Variants in SLC20A2 observed in about 807,000 individuals in gnomAD.
SLC20A2 encodes sodium-dependent phosphate transporter 2.
Under a neutral mutation model 61.0 loss-of-function variants are expected in SLC20A2, and 30 were observed. The ratio of observed to expected loss-of-function variants is 0.49; its 90% CI spans 0.37 to 0.67. The LOEUF is 0.67. SLC20A2 is among the 30% of genes least tolerant of loss of function. The pLI is 0.00. For missense variants in SLC20A2, 626 were observed against 866.4 expected, an observed-to-expected ratio of 0.72 and a Z score of 3.48; for synonymous variants, 351 against 353.3, an observed-to-expected ratio of 0.99 and a Z score of 0.07.
At chr8:42,455,241 A>AAAATATATATATAT (rs1416804518) in intron 5 of SLC20A2, among the ~76,000 whole-genome samples, 1 of 102,606 alleles carries the variant, frequency 9.7e-6, no homozygotes, top group African/African-American at 5.0e-5. Flanking sequence ...AAAAAAAAAA[A>AAAATATATATATAT]ATATATATAT....
intron 9 of SLC20A2, 142 bp downstream of exon 9, chr8:42,429,922 C>T (rs1465034871): frequency 1.6e-6 from 1 of 615,672 alleles, no homozygotes. Context: ...CTAGGTGGGG[C>T]CATTCTTGCC....
chr8:42,540,643 G>A (rs1813046277), intron 1 of SLC20A2, among the ~76,000 whole-genome samples: 2 of 152,202 alleles, frequency 1.3e-5, no homozygotes, highest in Non-Finnish European at 2.9e-5. Flanking sequence ...AACTTGTTAA[G>A]AAGTGTTCAA....
intron 6 of SLC20A2, among the ~76,000 whole-genome samples, chr8:42,440,561 A>G (rs2131028289): frequency 6.6e-6 from 1 of 152,332 alleles, no homozygotes; most frequent in East Asian, 1.9e-4. Flanking sequence ...GAGATTGCAT[A>G]TAAAGGTGCT....
At chr8:42,423,195 A>C (rs929083336) in intron 10 of SLC20A2, among the ~76,000 whole-genome samples, 3 of 152,084 alleles carry the variant, frequency 2.0e-5, no homozygotes, top group African/African-American at 7.2e-5. Flanking sequence ...TATTTTTCTA[A>C]ACTCCTTAAT....
intron 5 of SLC20A2, among the ~76,000 whole-genome samples, chr8:42,449,962 T>A (rs1276188775): frequency 1.3e-5 from 2 of 152,214 alleles, no homozygotes; most frequent in African/African-American, 4.8e-5. Flanking sequence ...ATAGTAAACA[T>A]TCACACTTAT....
intron 1 of SLC20A2, among the ~76,000 whole-genome samples, chr8:42,493,837 G>T (rs1809702844): frequency 6.6e-6 from 1 of 152,124 alleles, no homozygotes; most frequent in South Asian, 2.1e-4. Context: ...AAATGAATCA[G>T]ATTTTTCCAG....
At chr8:42,513,834 C>T (rs1369778701) in intron 1 of SLC20A2, among the ~76,000 whole-genome samples, 1 of 151,916 alleles carries the variant, frequency 6.6e-6, no homozygotes, top group African/African-American at 2.4e-5. Context: ...GGAGATTTTG[C>T]GATGGAAATA....
intron 6 of SLC20A2, among the ~76,000 whole-genome samples, chr8:42,441,518 G>C (rs372473501): frequency 1.3e-5 from 2 of 151,182 alleles, no homozygotes; most frequent in South Asian, 4.2e-4. Context: ...TACCAGACTG[G>C]AGTGCTGTGG....
chr8:42,463,572 A>C (rs1346646444), intron 3 of SLC20A2, among the ~76,000 whole-genome samples: 4 of 152,302 alleles, frequency 2.6e-5, no homozygotes, highest in Non-Finnish European at 5.9e-5. Context: ...CTAGCCAAGT[A>C]GTTCCCGCCT....
Position 42,499,378 on chromosome 8 carries a change from T to C in SLC20A2, c.-265+1653A>G, listed in dbSNP as rs563688986. On this transcript the variant is annotated intron_variant, in intron 1 of 10. Coordinates refer to ENST00000520262, the MANE Select transcript of SLC20A2 (RefSeq NM_001257180.2). ...CGAGGAATTCCGGCACTAACACTTA[T>C]ATAATGAAAACCTTCTCCGCTCTCA... Among the ~76,000 whole-genome samples, 7 of 152,280 alleles carry C rather than the reference T, an allele frequency of 4.6e-5. No homozygotes were observed. In the East Asian group the frequency reaches 7.7e-4, roughly 17 times the overall value.
intron 1 of SLC20A2, among the ~76,000 whole-genome samples, chr8:42,517,099 G>C (rs1336607720): frequency 6.6e-6 from 1 of 152,140 alleles, no homozygotes; most frequent in Admixed American, 6.5e-5. Context: ...TCTGAAACTA[G>C]AATCTGCTAT....
At chr8:42,516,369 TAAGAG>T (rs574830457) in intron 1 of SLC20A2, among the ~76,000 whole-genome samples, 102 of 152,310 alleles carry the variant, frequency 6.7e-4, no homozygotes, top group Middle Eastern at 3.4e-3. Context: ...TTAAGGTACC[TAAGAG>T]AAGAAATATA....
At chr8:42,455,223 T>TAAA (rs1167685475) in intron 5 of SLC20A2, among the ~76,000 whole-genome samples, 17 of 49,856 alleles carry the variant, frequency 3.4e-4, no homozygotes, top group African/African-American at 1.1e-3. Context: ...AGACTCCGTC[T>TAAA]AAAAAAAAAA....
At chr8:42,509,655 G>A (rs1040341914) in intron 1 of SLC20A2, among the ~76,000 whole-genome samples, 1 of 152,198 alleles carries the variant, frequency 6.6e-6, no homozygotes, top group Non-Finnish European at 1.5e-5. Flanking sequence ...TTGGGAAGCT[G>A]AGGTGGTAGG....
chr8:42,491,352 A>T (rs1301634133), intron 1 of SLC20A2, among the ~76,000 whole-genome samples: 1 of 152,132 alleles, frequency 6.6e-6, no homozygotes, highest in Non-Finnish European at 1.5e-5. Flanking sequence ...TCTACTAAAA[A>T]AAATTTGCCA....
At chr8:42,450,838 C>T (rs1805585395) in intron 5 of SLC20A2, among the ~76,000 whole-genome samples, 2 of 152,138 alleles carry the variant, frequency 1.3e-5, no homozygotes, top group Non-Finnish European at 2.9e-5. Flanking sequence ...CCAACTTTTT[C>T]AAACCAGGGT....
intron 1 of SLC20A2, among the ~76,000 whole-genome samples, chr8:42,490,628 G>C (rs984236819): frequency 6.6e-6 from 1 of 151,762 alleles, no homozygotes; most frequent in African/African-American, 2.4e-5. Flanking sequence ...CCAAACTCTG[G>C]ATTTATTTAA....
intron 1 of SLC20A2, chr8:42,484,910 A>G: frequency 2.4e-6 from 1 of 416,790 alleles, no homozygotes; most frequent in Non-Finnish European, 4.8e-6. Context: ...GCCCTGAGAC[A>G]GCAGCAGCAC....
chr8:42,507,711 G>T (rs921062057), intron 1 of SLC20A2, among the ~76,000 whole-genome samples: 3 of 152,236 alleles, frequency 2.0e-5, no homozygotes, highest in Non-Finnish European at 4.4e-5. Context: ...GTCAATGACA[G>T]TTCTGCCTTT....
Sources: allele counts gnomAD v4.1 joint callset (sites outside exome capture counted in the v4.1 genomes callset), GRCh38; gene constraint gnomAD v4.1.1; transcripts MANE v1.5; gene names NCBI Gene and HGNC (gene_info 2026-07-23, HGNC 2026-07-21).